TNFAIP3: variants seen among roughly 807,000 people sequenced by gnomAD.
TNFAIP3 encodes TNF alpha induced protein 3.
TNFAIP3 carries 9 observed loss-of-function variants against 72.4 expected under a neutral mutation model. The ratio of observed to expected loss-of-function variants is 0.12; its 90% confidence interval spans 0.07 to 0.22. The LOEUF (loss-of-function observed/expected upper bound fraction) is 0.22. TNFAIP3 is among the 10% of genes least tolerant of loss of function. TNFAIP3 has a pLI of 1.00. For synonymous variants in TNFAIP3, 339 were observed against 372.6 expected (o/e 0.91, Z 1.04); for missense variants, 833 against 1,018.7 (o/e 0.82, Z 2.48).
rs759772872 is a variant in TNFAIP3, at chr6:137,879,382, C to A, written c.1906+31C>A. ...TGAAGTGGTTGACTTCCTAACACAG[C>A]GGCTGCTGTCCAGAAGGGGTTTTGT... On this transcript the variant is annotated intron_variant, in intron 7 of 8. Coordinates refer to ENST00000612899, the MANE Select transcript of TNFAIP3 (RefSeq NM_001270508.2). 5 of 1,589,034 alleles carry A rather than the reference C, an allele frequency of 3.1e-6. No individual in the cohort carries two copies. In the Admixed American group the frequency reaches 7.0e-5, roughly 22 times the overall value.
intron 6 of TNFAIP3, 27 bp downstream of exon 6, chr6:137,877,283 C>T: frequency 1.9e-6 from 3 of 1,573,954 alleles, no homozygotes; most frequent in Non-Finnish European, 2.6e-6. Context: ...CAGCTCTCTC[C>T]TGTGTCATCT....
At chr6:137,877,322 G>C in intron 6 of TNFAIP3, 66 bp downstream of exon 6, 2 of 1,444,172 alleles carry the variant, frequency 1.4e-6, no homozygotes, top group Non-Finnish European at 1.9e-6. Context: ...AGCCACCTGA[G>C]TTGCTGCCAC....
chr6:137,870,038 T>G (rs1380025400), intron 1 of TNFAIP3, among the ~76,000 whole-genome samples: 1 of 152,234 alleles, frequency 6.6e-6, no homozygotes, highest in Non-Finnish European at 1.5e-5. Flanking sequence ...TTTGCCACCT[T>G]TCCTCCTTCA....
chr6:137,877,390 CAG>C, intron 6 of TNFAIP3, 134 bp downstream of exon 6: 3 of 673,814 alleles, frequency 4.5e-6, no homozygotes, highest in South Asian at 2.7e-5. Context: ...GAAACAAATT[CAG>C]AGTCTTGTGC....
upstream of TNFAIP3, chr6:137,867,059 G>C (rs1327080135): frequency 1.3e-5 from 2 of 149,602 alleles, no homozygotes; most frequent in Non-Finnish European, 3.0e-5. This position sits in a 1 kb window ranked among gnomAD's most constrained non-coding sequence, Gnocchi z 6.0. Flanking sequence ...CAGCGGGGCG[G>C]GGCAGGGAAA....
chr6:137,874,922 G>A lies in TNFAIP3; in HGVS notation c.373G>A (p.Ala125Thr), dbSNP rs1483266356. 2 of 1,614,104 alleles carry A rather than the reference G, an allele frequency of 1.2e-6. No individual in the cohort carries two copies. Among genetic ancestry groups the A allele is most frequent in the South Asian group, 2.2e-5 (2 of 91,090 alleles). Residue 125 changes from alanine to threonine, a missense_variant, in exon 3 of 9, where the codon GCG becomes ACG. This residue lies in a region of TNFAIP3 where 246 missense variants were observed against 360.9 expected (regional missense o/e 0.68). Coordinates refer to ENST00000612899, the MANE Select transcript of TNFAIP3 (RefSeq NM_001270508.2). Reference protein sequence around the residue: ...VQDTDLVLRKALFSTLKETDT... With the variant: ...VQDTDLVLRKTLFSTLKETDT... ...GGACACAGACTTGGTACTGAGGAAG[G>A]CGCTGTTCAGCACGCTCAAGGAAAC... is the stretch of plus-strand genomic sequence containing the variant.
intron 5 of TNFAIP3, among the ~76,000 whole-genome samples, chr6:137,876,835 A>T (rs919979950): frequency 1.9e-4 from 29 of 152,300 alleles, no homozygotes; most frequent in African/African-American, 6.7e-4. Flanking sequence ...AAAGCCTGGG[A>T]CTTTAACCAA....
At chr6:137,873,883 C>T (rs933324074) in intron 2 of TNFAIP3, among the ~76,000 whole-genome samples, 1 of 152,096 alleles carries the variant, frequency 6.6e-6, no homozygotes, top group East Asian at 1.9e-4. Flanking sequence ...AGCTCTATTG[C>T]CCTACTTATA....
intron 1 of TNFAIP3, among the ~76,000 whole-genome samples, chr6:137,869,663 A>T (rs1027609861): frequency 6.6e-6 from 1 of 152,164 alleles, no homozygotes; most frequent in Admixed American, 6.5e-5. Context: ...GTGGGCCACA[A>T]GAATTATCTC....
Position 137,871,565 on chromosome 6 carries a change from T to A in TNFAIP3, c.295+43T>A. The A allele has an allele frequency of 6.3e-7, 1 of 1,590,798 alleles. No homozygotes were observed. Among genetic ancestry groups the A allele is most frequent in the Non-Finnish European group, 8.6e-7 (1 of 1,167,612 alleles). ...GTGTTTCTTTTGCCTGGGTGATAGC[T>A]CCCGCCTGCTGGATCCCCATTCATG... On this transcript the variant is annotated intron_variant, in intron 2 of 8. Coordinates refer to ENST00000612899, the MANE Select transcript of TNFAIP3 (RefSeq NM_001270508.2). The surrounding 1 kb of genome is among the most constrained non-coding windows in gnomAD (Gnocchi z 4.2).
intron 1 of TNFAIP3, among the ~76,000 whole-genome samples, chr6:137,869,681 T>C (rs937502642): frequency 2.0e-5 from 3 of 152,120 alleles, no homozygotes; most frequent in African/African-American, 7.2e-5. Flanking sequence ...CTCAACACCT[T>C]ATCAATGGTG....
chr6:137,880,994 T>C (rs1776432032), intron 8 of TNFAIP3, 41 bp from the exon 9 acceptor site: 2 of 1,545,638 alleles, frequency 1.3e-6, no homozygotes, highest in Non-Finnish European at 1.7e-6. Flanking sequence ...TGAGCAATAG[T>C]TTCCTGACTT....
In TNFAIP3 at chr6:137,871,085, A is replaced by G; in HGVS notation, c.-15-128A>G. On this transcript the variant is annotated intron_variant, in intron 1 of 8. Transcript: ENST00000612899. This position sits in a 1 kb window ranked among gnomAD's most constrained non-coding sequence, Gnocchi z 4.2. ...CTAGTATCCCGGGAGTAGAGGTGCT[A>G]AGATCTTTTGCCTACAGATCAGGGT... 1.3e-6 allele frequency: 1 copy of G among 793,148 alleles called. No individual in the cohort carries two copies. The allele number at this position is 793,148 out of a possible 1,614,324, so 49.1% of individuals were successfully genotyped here.
At position 137,880,125 on chromosome 6, in the gene TNFAIP3, C is replaced by G. The variant is rs780049410; in HGVS notation, c.1961C>G (p.Thr654Ser). Residue 654 changes from threonine to serine, a missense_variant, in exon 8 of 9, where the codon ACC becomes AGC. This residue lies in a region of TNFAIP3 where 587 missense variants were observed against 657.8 expected (regional missense o/e 0.89). Coordinates refer to ENST00000612899, the MANE Select transcript of TNFAIP3 (RefSeq NM_001270508.2). ...VSPTASRFQNTIPCLGRECGT... is the reference protein window; with the variant it reads ...VSPTASRFQNSIPCLGRECGT... ...CCCACAGCGTCCAGGTTCCAGAACA[C>G]CATTCCGTGCCTGGGGAGGGAATGC... The G allele has an allele frequency of 6.2e-7, 1 of 1,614,002 alleles. No individual in the cohort carries two copies. The highest frequency in any genetic ancestry group is 1.1e-5 in the South Asian group (1 of 91,080).
chr6:137,875,369 C>G (rs1776210434), intron 3 of TNFAIP3, among the ~76,000 whole-genome samples: 1 of 152,190 alleles, frequency 6.6e-6, no homozygotes, highest in Non-Finnish European at 1.5e-5. Context: ...CGTGCCTCAC[C>G]ATCCTCAGTC....
chr6:137,868,126 G>A (rs1775907064), intron 1 of TNFAIP3: 1 of 152,560 alleles, frequency 6.6e-6, no homozygotes, highest in African/African-American at 2.4e-5. Flanking sequence ...AAGTATGCAT[G>A]TAGACGTGGG....
In TNFAIP3 at chr6:137,880,065, A is replaced by G. The variant is rs367710222; in HGVS notation, c.1907-6A>G. The G allele has an allele frequency of 2.1e-5, 34 of 1,613,630 alleles. No homozygotes were observed. The highest frequency in any genetic ancestry group is 3.3e-5 in the Admixed American group (2 of 59,992). Reference sequence around the variant, plus strand: ...GTGGTACTAACTAGCATCCATTCTCATGTAGATTTTGCTGCTGCCTCAGGG... The same window carrying G: ...GTGGTACTAACTAGCATCCATTCTCGTGTAGATTTTGCTGCTGCCTCAGGG... On this transcript the variant is annotated splice_region_variant and splice_polypyrimidine_tract_variant and intron_variant, in intron 7 of 8. Coordinates refer to ENST00000612899, the MANE Select transcript of TNFAIP3 (RefSeq NM_001270508.2).
rs1370367920 is a variant in TNFAIP3, at chr6:137,875,035, G to C, written c.486G>C (p.Arg162=). 3 of 1,614,020 alleles carry C rather than the reference G, an allele frequency of 1.9e-6. No individual in the cohort carries two copies. Among genetic ancestry groups the C allele is most frequent in the Admixed American group, 1.7e-5 (1 of 60,014 alleles). The change falls in exon 3 of 9, where the codon CGG becomes CGC. Residue 162 remains arginine, a splice_region_variant and synonymous_variant. Transcript: ENST00000612899. ...FVETGLCYDT[R]NWNDEWDNLI... ...AAACGGGGCTTTGCTATGATACTCG[G>C]GTAGGTTTTTCCCCCTAATTATCTA...
intron 8 of TNFAIP3, 137 bp from the exon 9 acceptor site, chr6:137,880,898 C>G (rs1776429008): frequency 4.4e-6 from 4 of 902,400 alleles, no homozygotes; most frequent in African/African-American, 3.4e-5. Context: ...CTGCAATGCT[C>G]TCCTGTTCCC....
Sources: allele counts gnomAD v4.1 joint callset (sites outside exome capture counted in the v4.1 genomes callset), GRCh38; gene constraint gnomAD v4.1.1; regional missense constraint gnomAD v4.1.1; non-coding constraint Gnocchi (gnomAD v3.1); transcripts MANE v1.5; gene names NCBI Gene and HGNC (gene_info 2026-07-23, HGNC 2026-07-21).